Variants in AKAP6 observed in about 807,000 individuals in gnomAD.
AKAP6 encodes A-kinase anchor protein 6.
In AKAP6, 58 loss-of-function variants were observed where a neutral mutation model predicts 188.5. That is an observed-to-expected ratio of 0.31 (90% CI 0.25 to 0.38). AKAP6 has a LOEUF of 0.38. AKAP6 is among the 10% of genes least tolerant of loss of function. The pLI, the probability that AKAP6 is intolerant of heterozygous loss-of-function variation, is 1.00. For synonymous variants in AKAP6, 989 were observed against 998.6 expected, an observed-to-expected ratio of 0.99 and a Z score of 0.18; for missense variants, 2,710 against 2,740.0, an observed-to-expected ratio of 0.99 and a Z score of 0.24.
intron 2 of AKAP6, among the ~76,000 whole-genome samples, chr14:32,534,492 T>C (rs1882575687): frequency 1.3e-5 from 2 of 152,326 alleles, no homozygotes; most frequent in South Asian, 2.1e-4. Flanking sequence ...ATACCAAATC[T>C]TCCTACCTAA....
chr14:32,788,431 A>G (rs374503728), intron 12 of AKAP6, among the ~76,000 whole-genome samples: 2 of 152,206 alleles, frequency 1.3e-5, no homozygotes, highest in East Asian at 3.9e-4. Context: ...AAAAGGGGCA[A>G]GGGAATTCAG....
At chr14:32,393,458 C>T (rs1374365922) in intron 1 of AKAP6, among the ~76,000 whole-genome samples, 1 of 151,936 alleles carries the variant, frequency 6.6e-6, no homozygotes, top group Admixed American at 6.6e-5. Context: ...AGGGAATGAC[C>T]CTGAATAGAT....
intron 7 of AKAP6, among the ~76,000 whole-genome samples, chr14:32,616,810 T>C (rs1253706458): frequency 6.6e-6 from 1 of 152,212 alleles, no homozygotes; most frequent in Non-Finnish European, 1.5e-5. Flanking sequence ...CCAACATATA[T>C]GTATATATTT....
intron 5 of AKAP6, among the ~76,000 whole-genome samples, chr14:32,580,690 C>G (rs1884922642): frequency 6.6e-6 from 1 of 152,112 alleles, no homozygotes; most frequent in African/African-American, 2.4e-5. Flanking sequence ...TCTCCTAATG[C>G]TATCCCTCCC....
At chr14:32,375,144 T>C (rs1385314966) in intron 1 of AKAP6, among the ~76,000 whole-genome samples, 1 of 152,250 alleles carries the variant, frequency 6.6e-6, no homozygotes, top group Non-Finnish European at 1.5e-5. Context: ...AGTGGATCAG[T>C]TGATCACCCA....
At chr14:32,342,238 T>G (rs1435607834) in intron 1 of AKAP6, among the ~76,000 whole-genome samples, 1 of 152,214 alleles carries the variant, frequency 6.6e-6, no homozygotes, top group Non-Finnish European at 1.5e-5. Context: ...TGTCTTTTCC[T>G]GAATCTTCCA....
At chr14:32,407,805 C>T (rs566883149) in intron 1 of AKAP6, among the ~76,000 whole-genome samples, 106 of 152,240 alleles carry the variant, frequency 7.0e-4, no homozygotes, top group Middle Eastern at 3.4e-3. Context: ...AAAATCCCCA[C>T]GGATTCTGGA....
At chr14:32,547,865 G>A (rs1453822984) in intron 4 of AKAP6, among the ~76,000 whole-genome samples, 1 of 151,682 alleles carries the variant, frequency 6.6e-6, no homozygotes, top group African/African-American at 2.4e-5. Context: ...AAAATCTCAG[G>A]ACTGAGCTCC....
rs1397126096 is a variant in AKAP6 at position 32,834,831 on chromosome 14, C to T, written c.*5026C>T. The stretch of plus-strand genomic sequence containing the variant: ...CAGCTTACTCTTTCAGCCCATGCTT[C>T]ATCCATCTAAGGCAAGGGTCAGCAA... On this transcript the variant is annotated 3_prime_UTR_variant, in exon 14 of 14. Transcript: ENST00000280979. 6.6e-6 allele frequency: 1 copy of T among 152,208 alleles called. No individual in the cohort carries two copies. The highest frequency in any genetic ancestry group is 2.4e-5 in the African/African-American group (1 of 41,448). 9.4% of individuals were successfully genotyped at this position (152,208 alleles called of 1,614,324 possible).
intron 2 of AKAP6, among the ~76,000 whole-genome samples, chr14:32,497,141 C>T (rs1010894694): frequency 6.6e-6 from 1 of 152,050 alleles, no homozygotes; most frequent in African/African-American, 2.4e-5. Context: ...TGCCAGTAAT[C>T]GAATGTGTGT....
chr14:32,700,825 G>A (rs1200342516), intron 9 of AKAP6, among the ~76,000 whole-genome samples: 3 of 152,164 alleles, frequency 2.0e-5, no homozygotes, highest in African/African-American at 7.2e-5. Context: ...ACCAGAAAGT[G>A]AGGTGGGGAG....
rs528124255 is a variant in AKAP6 at position 32,362,612 on chromosome 14, C to G, written c.-35+33204C>G. ...AAGAGCACATGCAAAGGTGTGGAAG[C>G]ATGAGCAAACGTGGCCTGTACCAGG... On this transcript the variant is annotated intron_variant, in intron 1 of 13. Coordinates refer to ENST00000280979, the MANE Select transcript of AKAP6 (RefSeq NM_004274.5). 8.5e-5 allele frequency among the ~76,000 whole-genome samples: 13 copies of G among 152,178 alleles called. No individual in the cohort carries two copies. In the South Asian group the frequency reaches 2.7e-3, roughly 32 times the overall value.
At position 32,823,369 on chromosome 14, in the gene AKAP6, T is replaced by G. The variant is rs1430239069; in HGVS notation, c.5556T>G (p.Ser1852=). The change falls in exon 13 of 14, where the codon TCT becomes TCG. Residue 1852 remains serine, a synonymous_variant. Coordinates refer to ENST00000280979, the MANE Select transcript of AKAP6 (RefSeq NM_004274.5). ...ATATTGAGACCCTTCTAAATGGCTCTGTAAAACGTGTCTCTGAAAATAATG... is the reference window on the plus strand; with the variant it reads ...ATATTGAGACCCTTCTAAATGGCTCGGTAAAACGTGTCTCTGAAAATAATG... ...TLNIETLLNG[S]VKRVSENNGN... 1.9e-6 allele frequency: 3 copies of G among 1,613,850 alleles called. No homozygotes were observed. The highest frequency in any genetic ancestry group is 2.5e-6 in the Non-Finnish European group (3 of 1,179,902).
At position 32,834,240 on chromosome 14, in the gene AKAP6, A is replaced by G. The variant is rs1226987813; in HGVS notation, c.*4435A>G. 6.6e-6 allele frequency: 1 copy of G among 151,872 alleles called. No homozygotes were observed. Among genetic ancestry groups the G allele is most frequent in the African/African-American group, 2.4e-5 (1 of 41,412 alleles). The allele number at this position is 151,872 out of a possible 1,614,324, so 9.4% of individuals were successfully genotyped here. The stretch of plus-strand genomic sequence containing the variant: ...AAACCCCGTCTCTACTAAAAATACA[A>G]AAATTAGCCAGGCGTGGTAGCTGTA... On this transcript the variant is annotated 3_prime_UTR_variant, in exon 14 of 14. Transcript: ENST00000280979.
chr14:32,662,859 T>G (rs975661002), intron 7 of AKAP6, among the ~76,000 whole-genome samples: 3 of 152,262 alleles, frequency 2.0e-5, no homozygotes, highest in Admixed American at 1.3e-4. Flanking sequence ...GATGGTATCC[T>G]AATTCTATTA....
chr14:32,503,716 A>T (rs185685135), intron 2 of AKAP6, among the ~76,000 whole-genome samples: 4 of 151,702 alleles, frequency 2.6e-5, no homozygotes, highest in Non-Finnish European at 1.5e-5. Context: ...TTATTTTTTG[A>T]CTTATTCTTC....
intron 8 of AKAP6, among the ~76,000 whole-genome samples, chr14:32,694,227 G>A (rs1426652836): frequency 6.6e-6 from 1 of 152,070 alleles, no homozygotes; most frequent in Admixed American, 6.6e-5. Flanking sequence ...CGAGCGTGGT[G>A]GTGGGCGCCT....
intron 1 of AKAP6, among the ~76,000 whole-genome samples, chr14:32,412,545 T>C (rs549037846): frequency 1.6e-4 from 25 of 152,230 alleles, no homozygotes; most frequent in Non-Finnish European, 3.2e-4. Context: ...AGGCTATGTA[T>C]ACAAAAATAA....
At chr14:32,571,549 A>C (rs577138608) in intron 4 of AKAP6, among the ~76,000 whole-genome samples, 3 of 152,264 alleles carry the variant, frequency 2.0e-5, no homozygotes, top group Admixed American at 6.5e-5. Flanking sequence ...TGAATAAATA[A>C]ATACATAAAA....
Sources: gnomAD v4.1 joint callset for allele counts (sites outside exome capture counted in the v4.1 genomes callset) on GRCh38, gnomAD v4.1.1 for gene constraint, MANE v1.5 for transcripts, NCBI Gene and HGNC (gene_info 2026-07-23, HGNC 2026-07-21) for gene names.